SH3RF3: variants seen among roughly 807,000 people sequenced by gnomAD.
SH3RF3 encodes SH3 domain containing ring finger 3, also known as E3 ubiquitin-protein ligase SH3RF3.
A neutral mutation model predicts 66.3 loss-of-function variants in SH3RF3; 29 were observed. That is an observed-to-expected ratio of 0.44 (90% confidence interval 0.33 to 0.60). The LOEUF (loss-of-function observed/expected upper bound fraction) is 0.60, where lower values mean the gene tolerates loss of function less well. SH3RF3 is among the 20% of genes least tolerant of loss of function. SH3RF3 has a pLI of 0.04. For synonymous variants in SH3RF3, 583 were observed against 532.0 expected (o/e 1.10, Z -1.32); for missense variants, 1,194 against 1,190.9 (o/e 1.00, Z -0.04).
chr2:109,243,832 C>T (rs1181093917), intron 1 of SH3RF3, among the ~76,000 whole-genome samples: 1 of 152,144 alleles, frequency 6.6e-6, no homozygotes, highest in Admixed American at 6.5e-5. Flanking sequence ...AGGCTGTAAT[C>T]AGGACAATAC....
In SH3RF3 at chr2:109,282,531, G is replaced by T. The variant is rs562878815; in HGVS notation, c.574-65143G>T. On this transcript the variant is annotated intron_variant, in intron 1 of 9. Coordinates refer to ENST00000309415, the MANE Select transcript of SH3RF3 (RefSeq NM_001099289.3). ...CCTGCGGTGGGAGGACAGGGGAGGG[G>T]TGGTACTGCCCTGTGCCTCAGCTGA... Among the ~76,000 whole-genome samples the T allele has an allele frequency of 1.8e-4, 28 of 152,240 alleles. 1 individual carries two copies. The South Asian group carries it at 5.6e-3, about 30-fold the overall frequency.
intron 1 of SH3RF3, among the ~76,000 whole-genome samples, chr2:109,201,621 G>A (rs1678678295): frequency 6.6e-6 from 1 of 152,212 alleles, no homozygotes; most frequent in Non-Finnish European, 1.5e-5. Flanking sequence ...GCCTCTCACA[G>A]CATGGCCTTC....
At chr2:109,360,090 T>C (rs1054949377) in intron 2 of SH3RF3, among the ~76,000 whole-genome samples, 1 of 151,732 alleles carries the variant, frequency 6.6e-6, no homozygotes, top group Non-Finnish European at 1.5e-5. Flanking sequence ...AAGTATACAC[T>C]TACCTTTTAA....
At chr2:109,239,976 G>T (rs944538088) in intron 1 of SH3RF3, among the ~76,000 whole-genome samples, 12 of 152,222 alleles carry the variant, frequency 7.9e-5, no homozygotes, top group African/African-American at 2.9e-4. Flanking sequence ...TTGCAGCTGG[G>T]TATCCTCTGT....
intron 1 of SH3RF3, among the ~76,000 whole-genome samples, chr2:109,148,752 C>T (rs1240590497): frequency 6.6e-6 from 1 of 152,136 alleles, no homozygotes; most frequent in East Asian, 1.9e-4. Flanking sequence ...TACTGGGGCT[C>T]GGTCATAGAC....
chr2:109,408,722 C>G (rs1466931029), intron 4 of SH3RF3, among the ~76,000 whole-genome samples: 1 of 152,254 alleles, frequency 6.6e-6, no homozygotes, highest in East Asian at 1.9e-4. Context: ...AAAGTCCACC[C>G]CTCCTGCAGC....
chr2:109,131,947 T>C (rs1676706816), intron 1 of SH3RF3, among the ~76,000 whole-genome samples: 1 of 152,202 alleles, frequency 6.6e-6, no homozygotes, highest in Non-Finnish European at 1.5e-5. Context: ...GCTGGGATAA[T>C]AGCATTAGGT....
intron 7 of SH3RF3, among the ~76,000 whole-genome samples, chr2:109,447,147 T>TAAAAAAAAAA (rs61240132): frequency 2.7e-4 from 22 of 82,644 alleles, no homozygotes; most frequent in East Asian, 9.5e-4. Context: ...CCTGAATATT[T>TAAAAAAAAAA]AAAAAAAAAA....
Position 109,163,555 on chromosome 2 carries a change from C to T in SH3RF3, c.573+33442C>T, listed in dbSNP as rs530771216. ...CTGGGACTACAGGCGCCCGCCACTA[C>T]GCCCGGCTAATTTTTTTGTATTTTT... On this transcript the variant is annotated intron_variant, in intron 1 of 9. Transcript: ENST00000309415. Among the ~76,000 whole-genome samples, 1,286 of 151,120 alleles carry T rather than the reference C, an allele frequency of 8.5e-3. 6 individuals are homozygous for T. Among genetic ancestry groups the T allele is most frequent in the Non-Finnish European group, 0.015 (989 of 67,742 alleles).
At chr2:109,163,253 G>A (rs947143741) in intron 1 of SH3RF3, among the ~76,000 whole-genome samples, 1 of 152,172 alleles carries the variant, frequency 6.6e-6, no homozygotes. Context: ...TGTGTTGACT[G>A]TAGGGCTCTG....
chr2:109,388,479 GC>G (rs1431912425), intron 3 of SH3RF3, among the ~76,000 whole-genome samples: 1 of 152,172 alleles, frequency 6.6e-6, no homozygotes, highest in East Asian at 1.9e-4. Flanking sequence ...CCCCAGCCAG[GC>G]CCCCCAGGTA....
At chr2:109,268,977 G>A (rs1680567104) in intron 1 of SH3RF3, among the ~76,000 whole-genome samples, 1 of 152,212 alleles carries the variant, frequency 6.6e-6, no homozygotes, top group Admixed American at 6.5e-5. Context: ...ACAAATGTCT[G>A]AGGAGGACCT....
At chr2:109,357,208 G>A (rs1227335548) in intron 2 of SH3RF3, among the ~76,000 whole-genome samples, 1 of 151,036 alleles carries the variant, frequency 6.6e-6, no homozygotes, top group Non-Finnish European at 1.5e-5. Flanking sequence ...TTGAGACGGA[G>A]TCTTACTCTG....
intron 5 of SH3RF3, among the ~76,000 whole-genome samples, chr2:109,429,928 G>A (rs1573244793): frequency 6.6e-6 from 1 of 152,132 alleles, no homozygotes; most frequent in Non-Finnish European, 1.5e-5. Flanking sequence ...CCCAGTCAGC[G>A]GGTGTAGCCG....
At chr2:109,144,454 C>G (rs1040935203) in intron 1 of SH3RF3, among the ~76,000 whole-genome samples, 1 of 152,202 alleles carries the variant, frequency 6.6e-6, no homozygotes, top group African/African-American at 2.4e-5. Flanking sequence ...TCTTTCAGCC[C>G]TGGTTTCCTG....
intron 1 of SH3RF3, among the ~76,000 whole-genome samples, chr2:109,249,532 T>TTTCTTTTTCTTTCTTTCCTTCCTTCC (rs1680019798): frequency 2.1e-5 from 2 of 96,450 alleles, no homozygotes; most frequent in Non-Finnish European, 4.1e-5. Context: ...TCTTTCTTTC[T>TTTCTTTTTCTTTCTTTCCTTCCTTCC]TTCCTTCCTT....
intron 5 of SH3RF3, among the ~76,000 whole-genome samples, chr2:109,422,800 C>T (rs559782604): frequency 4.3e-4 from 66 of 152,294 alleles, no homozygotes; most frequent in African/African-American, 1.4e-3. Context: ...TCCACTTCTT[C>T]GTGGGCATCT....
At chr2:109,160,683 A>G (rs949353236) in intron 1 of SH3RF3, among the ~76,000 whole-genome samples, 1 of 152,154 alleles carries the variant, frequency 6.6e-6, no homozygotes, top group Non-Finnish European at 1.5e-5. Context: ...CAAAGCCAAG[A>G]TCTCTGACTG....
At chr2:109,274,959 A>C (rs1680719351) in intron 1 of SH3RF3, among the ~76,000 whole-genome samples, 1 of 152,050 alleles carries the variant, frequency 6.6e-6, no homozygotes, top group Admixed American at 6.5e-5. Flanking sequence ...TAAAATGGTT[A>C]ATTTCCTGTT....
Sources: gnomAD v4.1 joint callset for allele counts (sites outside exome capture counted in the v4.1 genomes callset) on GRCh38, gnomAD v4.1.1 for gene constraint, MANE v1.5 for transcripts, NCBI Gene and HGNC (gene_info 2026-07-23, HGNC 2026-07-21) for gene names.